The following IL17RD variants were observed in gnomAD, a reference collection of about 807,000 sequenced individuals.
IL17RD encodes the protein interleukin 17 receptor D.
In IL17RD, 52 loss-of-function variants were observed where a neutral mutation model predicts 80.5. That is an observed-to-expected ratio of 0.65 (90% CI 0.52 to 0.81). IL17RD has a LOEUF of 0.81. Ranked by LOEUF, IL17RD falls within the 40% of genes least tolerant of loss-of-function variation. The pLI is 0.00. For missense variants in IL17RD, 1,024 were observed against 955.1 expected (o/e 1.07, Z -0.95); for synonymous variants, 416 against 391.8 (o/e 1.06, Z -0.73).
rs553740378 is a variant in IL17RD, at chr3:57,091,677, T to C, written c.*4716A>G. On this transcript the variant is annotated 3_prime_UTR_variant, in exon 13 of 13. Coordinates refer to ENST00000296318, the MANE Select transcript of IL17RD (RefSeq NM_017563.5). ...GACTTCACTGTGGTTTTTGAATACATGGAAGGTGACCAGCTGTTCTTTCTC... is the reference window on the plus strand; with the variant it reads ...GACTTCACTGTGGTTTTTGAATACACGGAAGGTGACCAGCTGTTCTTTCTC... 3.3e-5 allele frequency: 5 copies of C among 152,532 alleles called. No individual in the cohort carries two copies. The highest frequency in any genetic ancestry group is 7.4e-5 in the Non-Finnish European group (5 of 68,026). The allele number at this position is 152,532 out of a possible 1,614,324, so 9.4% of individuals were successfully genotyped here.
chr3:57,142,571 C>T (rs1707850934), intron 1 of IL17RD: 9 of 1,181,112 alleles, frequency 7.6e-6, no homozygotes, highest in Non-Finnish European at 1.0e-5. Context: ...GAGATAGGGC[C>T]TGGCTGACCG....
At chr3:57,148,864 C>T (rs1707992486) in intron 1 of IL17RD, among the ~76,000 whole-genome samples, 1 of 152,132 alleles carries the variant, frequency 6.6e-6, no homozygotes, top group African/African-American at 2.4e-5. Flanking sequence ...CTCACCTGGC[C>T]CCTCTGATGG....
rs1706955672 is a variant in IL17RD at position 57,105,977 on chromosome 3, C to T, written c.627G>A (p.Gln209=). ...AGGACACCTGCATGTCCGAGCCATG[C>T]TGGCTGATGTTCAGGTTCCGAGGCT... ...FWKPRNLNIS[Q]HGSDMQVSFD... Residue 209 remains glutamine, a synonymous_variant, in exon 7 of 13, where the codon CAG becomes CAA. Coordinates refer to ENST00000296318, the MANE Select transcript of IL17RD (RefSeq NM_017563.5). 1 of 1,613,814 alleles carries T rather than the reference C, an allele frequency of 6.2e-7. No individual in the cohort carries two copies. Among genetic ancestry groups the T allele is most frequent in the Non-Finnish European group, 8.5e-7 (1 of 1,179,864 alleles).
chr3:57,111,742 G>A (rs182142467), intron 3 of IL17RD, among the ~76,000 whole-genome samples: 10 of 151,986 alleles, frequency 6.6e-5, no homozygotes, highest in East Asian at 3.9e-4. Context: ...AGGCCGAGGC[G>A]GGCGAATCAC....
intron 1 of IL17RD, among the ~76,000 whole-genome samples, chr3:57,148,767 T>C (rs1385388050): frequency 6.6e-6 from 1 of 152,180 alleles, no homozygotes; most frequent in Non-Finnish European, 1.5e-5. Flanking sequence ...GAATACAATA[T>C]GCCCACACAG....
chr3:57,145,698 C>T (rs2107530308), intron 1 of IL17RD, among the ~76,000 whole-genome samples: 1 of 152,208 alleles, frequency 6.6e-6, no homozygotes, highest in African/African-American at 2.4e-5. Context: ...CAATTACACC[C>T]TCTGAATTAA....
At chr3:57,098,722 G>A (rs1315481195) in intron 11 of IL17RD, among the ~76,000 whole-genome samples, 184 bp from the exon 12 acceptor site, 1 of 152,174 alleles carries the variant, frequency 6.6e-6, no homozygotes, top group Non-Finnish European at 1.5e-5. Context: ...CGTGGGTGAT[G>A]GTCACACCCT....
At chr3:57,118,762 A>G (rs1057354843) in intron 2 of IL17RD, among the ~76,000 whole-genome samples, 1 of 152,196 alleles carries the variant, frequency 6.6e-6, no homozygotes, top group African/African-American at 2.4e-5. Context: ...AATTTAATGA[A>G]TGTACATTGC....
chr3:57,117,576 A>C (rs1333929623), intron 2 of IL17RD, among the ~76,000 whole-genome samples: 1 of 152,260 alleles, frequency 6.6e-6, no homozygotes, highest in Non-Finnish European at 1.5e-5. Flanking sequence ...GTATAACATT[A>C]AATGACAAAG....
chr3:57,100,647 A>G (rs1706805440), intron 11 of IL17RD, among the ~76,000 whole-genome samples: 1 of 152,038 alleles, frequency 6.6e-6, no homozygotes, highest in African/African-American at 2.4e-5. Context: ...CCACCAGTCA[A>G]TGGTCAAACA....
At position 57,097,635 on chromosome 3, in the gene IL17RD, AC is replaced by A; in HGVS notation, c.2067del (p.Ser690LeufsTer3). 1 of 1,593,006 alleles carries A rather than the reference AC, an allele frequency of 6.3e-7. No homozygotes were observed. The highest frequency in any genetic ancestry group is 1.1e-5 in the South Asian group (1 of 87,216). ...MEGLSTDQTE[T>X]SSLTESVSSS... Reference sequence around the variant, plus strand: ...GAGGACACGCTCTCCGTCAGGGAAGACGTTTCTGTCTGGTCCGTCGAGAGTC... The same window carrying A: ...GAGGACACGCTCTCCGTCAGGGAAGAGTTTCTGTCTGGTCCGTCGAGAGTC... On this transcript the variant is annotated frameshift_variant, in exon 12 of 13. Transcript: ENST00000296318. LOFTEE classifies it high-confidence loss of function.
Position 57,106,222 on chromosome 3 carries a change from C to G in IL17RD, c.551-68G>C, listed in dbSNP as rs1286488524. 2.6e-6 allele frequency: 3 copies of G among 1,134,562 alleles called. No homozygotes were observed. The Admixed American group carries it at 5.9e-5, about 22-fold the overall frequency. The allele number at this position is 1,134,562 out of a possible 1,614,324, so 70.3% of individuals were successfully genotyped here. Reference sequence around the variant, plus strand: ...TTAGACATTTTCCTCTCCCAACAACCCAATGAAATATAAAGATACTGTGCC... The same window carrying G: ...TTAGACATTTTCCTCTCCCAACAACGCAATGAAATATAAAGATACTGTGCC... On this transcript the variant is annotated intron_variant, in intron 5 of 12. Transcript: ENST00000296318.
chr3:57,096,377 A>G lies in IL17RD; in HGVS notation c.*16T>C. The G allele has an allele frequency of 1.3e-6, 2 of 1,571,428 alleles. No homozygotes were observed. ...GGCAGCAGCTAAAGTGGCAATGCTTAGACTCTTTCGTTTTGTTACAAAGGG... is the reference window on the plus strand; with the variant it reads ...GGCAGCAGCTAAAGTGGCAATGCTTGGACTCTTTCGTTTTGTTACAAAGGG... On this transcript the variant is annotated 3_prime_UTR_variant, in exon 13 of 13. Coordinates refer to ENST00000296318, the MANE Select transcript of IL17RD (RefSeq NM_017563.5).
At chr3:57,140,510 G>T (rs946308949) in intron 1 of IL17RD, among the ~76,000 whole-genome samples, 2 of 152,184 alleles carry the variant, frequency 1.3e-5, no homozygotes, top group African/African-American at 4.8e-5. Flanking sequence ...CACAAAAATG[G>T]TGAATGTTTG....
upstream of IL17RD, among the ~76,000 whole-genome samples, chr3:57,166,854 C>T (rs547070606): frequency 6.6e-6 from 1 of 152,320 alleles, no homozygotes; most frequent in Admixed American, 6.5e-5. Context: ...AATCCCCTCC[C>T]TCTCCTTCTC....
intron 1 of IL17RD, among the ~76,000 whole-genome samples, chr3:57,144,592 C>G (rs1389180222): frequency 6.6e-6 from 1 of 152,248 alleles, no homozygotes; most frequent in Non-Finnish European, 1.5e-5. Context: ...GTCCCAAACT[C>G]ACCCTTGTGG....
intron 1 of IL17RD, among the ~76,000 whole-genome samples, chr3:57,160,143 G>A (rs2060293852): frequency 6.6e-6 from 1 of 152,130 alleles, no homozygotes; most frequent in Non-Finnish European, 1.5e-5. Flanking sequence ...ATGCACTCCA[G>A]CCTGGGCTCC....
At chr3:57,146,029 T>TCGCGCG (rs1559483465) in intron 1 of IL17RD, among the ~76,000 whole-genome samples, 1 of 136,416 alleles carries the variant, frequency 7.3e-6, no homozygotes, top group East Asian at 2.0e-4. Context: ...ACACACACAC[T>TCGCGCG]CACGCGCGCG....
chr3:57,094,228 A>G lies in IL17RD; in HGVS notation c.*2165T>C, dbSNP rs545227004. The G allele has an allele frequency of 4.6e-5, 7 of 152,306 alleles. No homozygotes were observed. Among genetic ancestry groups the G allele is most frequent in the Middle Eastern group, 3.4e-3 (1 of 294 alleles). 9.4% of individuals were successfully genotyped at this position (152,306 alleles called of 1,614,324 possible). ...TGGGGAGAGTAGAAAAAGTGAAACT[A>G]ATTAAACAAAACTAGGAAGTTGGAC... On this transcript the variant is annotated 3_prime_UTR_variant, in exon 13 of 13. Coordinates refer to ENST00000296318, the MANE Select transcript of IL17RD (RefSeq NM_017563.5).
Sources: gnomAD v4.1 joint callset for allele counts (sites outside exome capture counted in the v4.1 genomes callset) on GRCh38, gnomAD v4.1.1 for gene constraint, MANE v1.5 for transcripts, NCBI Gene and HGNC (gene_info 2026-07-23, HGNC 2026-07-21) for gene names.